The following WDFY3 variants were observed in gnomAD, a reference collection of about 807,000 sequenced individuals.
WDFY3 encodes the protein WD repeat and FYVE domain containing 3, also known as WD repeat and FYVE domain-containing protein 3.
WDFY3 carries 66 observed loss-of-function variants against 409.6 expected under a neutral mutation model. The observed-to-expected ratio is 0.16, with a 90% CI of 0.13 to 0.20. The LOEUF (loss-of-function observed/expected upper bound fraction) is 0.20, where lower values mean the gene tolerates loss of function less well. Among genes scored for constraint, WDFY3 ranks in the 10% least tolerant of loss-of-function variants. The pLI is 1.00. For synonymous variants in WDFY3, 1,521 were observed against 1,537.1 expected (o/e 0.99, Z 0.25); for missense variants, 3,031 against 4,298.1 (o/e 0.71, Z 8.24).
rs1354480135 is a variant in WDFY3 at position 84,724,336 on chromosome 4, A to G, written c.7441+90T>C. On this transcript the variant is annotated intron_variant, in intron 46 of 67. Coordinates refer to ENST00000295888, the MANE Select transcript of WDFY3 (RefSeq NM_014991.6). ...TATGGATATTTTTAAAGTTGGCCCT[A>G]CTATTTATAGTTGCTCAAATTTTTG... 7 of 1,424,998 alleles carry G rather than the reference A, an allele frequency of 4.9e-6. No homozygotes were observed. The Admixed American group carries it at 1.6e-4, about 33-fold the overall frequency. The allele number at this position is 1,424,998 out of a possible 1,614,324, so 88.3% of individuals were successfully genotyped here. A position where few individuals can be genotyped will look rare whatever the true frequency, so the allele number is the denominator to read the frequency against.
At chr4:84,930,801 T>C (rs963704780) in intron 2 of WDFY3, among the ~76,000 whole-genome samples, 24 of 152,200 alleles carry the variant, frequency 1.6e-4, no homozygotes, top group Admixed American at 1.5e-3. Flanking sequence ...AGAAGTTTTA[T>C]CCTTTTTAAT....
chr4:84,857,289 T>A (rs1245795999), intron 4 of WDFY3, among the ~76,000 whole-genome samples: 3 of 152,156 alleles, frequency 2.0e-5, no homozygotes, highest in African/African-American at 7.2e-5. Context: ...TACTAAAGCA[T>A]CTCATATCTA....
At chr4:84,857,788 A>G (rs1484462601) in intron 4 of WDFY3, among the ~76,000 whole-genome samples, 1 of 152,208 alleles carries the variant, frequency 6.6e-6, no homozygotes, top group East Asian at 1.9e-4. Flanking sequence ...AAGTAAGGAA[A>G]TGTACATTCT....
intron 6 of WDFY3, among the ~76,000 whole-genome samples, chr4:84,838,735 T>A (rs975827042): frequency 1.3e-5 from 2 of 152,228 alleles, no homozygotes; most frequent in Non-Finnish European, 2.9e-5. Flanking sequence ...TTAACACTTA[T>A]GTTACCATAC....
chr4:84,750,329 T>C (rs1425783328), intron 36 of WDFY3, among the ~76,000 whole-genome samples: 1 of 152,184 alleles, frequency 6.6e-6, no homozygotes, highest in African/African-American at 2.4e-5. Flanking sequence ...GGTTAAATGC[T>C]TAGCATAACT....
At chr4:84,944,524 T>C (rs1359136077) in intron 1 of WDFY3, among the ~76,000 whole-genome samples, 1 of 151,282 alleles carries the variant, frequency 6.6e-6, no homozygotes, top group Non-Finnish European at 1.5e-5. Flanking sequence ...AGTCAGACCG[T>C]GTATCAAAAA....
At position 84,746,187 on chromosome 4, in the gene WDFY3, T is replaced by C. The variant is rs1224759714; in HGVS notation, c.5974-2388A>G. Among the ~76,000 whole-genome samples the C allele has an allele frequency of 1.7e-4, 25 of 148,600 alleles. No homozygotes were observed. The Admixed American group carries it at 1.7e-3, about 10-fold the overall frequency. On this transcript the variant is annotated intron_variant, in intron 36 of 67. Coordinates refer to ENST00000295888, the MANE Select transcript of WDFY3 (RefSeq NM_014991.6). ...AAAAAAAATCTCTGGCATGGTGGTG[T>C]GTGCCGGTAGTCATAGCTACTTGGG...
chr4:84,948,535 C>G (rs568374688), intron 1 of WDFY3, among the ~76,000 whole-genome samples: 23 of 152,294 alleles, frequency 1.5e-4, no homozygotes, highest in Admixed American at 3.9e-4. Context: ...ATCACCAATA[C>G]GGACTTGTGA....
intron 1 of WDFY3, among the ~76,000 whole-genome samples, chr4:84,937,039 T>C (rs188057314): frequency 6.6e-6 from 1 of 152,306 alleles, no homozygotes; most frequent in Non-Finnish European, 1.5e-5. Context: ...ACTCCTTATA[T>C]GCCTCTAGAT....
chr4:84,778,622 G>T lies in WDFY3; in HGVS notation c.4399C>A (p.Leu1467Ile). ...AGATGGAGGATGTGGCTGTTAAGAA[G>T]GGAACGTTTCTTCTTAAGCAACATT... is the stretch of plus-strand genomic sequence containing the variant. Reference protein sequence around the residue: ...LAMLLKKKRSLLNSHILHLTF... With the variant: ...LAMLLKKKRSILNSHILHLTF... Residue 1467 changes from leucine to isoleucine, a missense_variant, in exon 27 of 68, where the codon CTT becomes ATT. Leu to Ile is a conservative substitution (Grantham distance 5). Around this residue, in one of 16 missense-constraint regions of WDFY3, gnomAD observed 55 missense variants for 124.1 expected, o/e 0.44. Coordinates refer to ENST00000295888, the MANE Select transcript of WDFY3 (RefSeq NM_014991.6). The T allele has an allele frequency of 6.2e-7, 1 of 1,611,782 alleles. No homozygotes were observed. The highest frequency in any genetic ancestry group is 1.1e-5 in the South Asian group (1 of 90,548).
chr4:84,754,363 A>G (rs957140798), intron 34 of WDFY3, among the ~76,000 whole-genome samples: 2 of 152,220 alleles, frequency 1.3e-5, no homozygotes, highest in Non-Finnish European at 2.9e-5. Flanking sequence ...ATATCTTCTG[A>G]TACCTGCCCA....
chr4:84,731,794 A>G (rs958042148), intron 44 of WDFY3, among the ~76,000 whole-genome samples: 1 of 152,214 alleles, frequency 6.6e-6, no homozygotes, highest in Admixed American at 6.5e-5. Context: ...GAGTATAGAT[A>G]AAACATATTA....
At chr4:84,859,508 A>T (rs1026198881) in intron 4 of WDFY3, among the ~76,000 whole-genome samples, 8 of 152,192 alleles carry the variant, frequency 5.3e-5, no homozygotes, top group African/African-American at 1.9e-4. Flanking sequence ...GGAACCTATA[A>T]GCCTGTGAAA....
At chr4:84,839,165 A>C (rs774112652) in intron 6 of WDFY3, among the ~76,000 whole-genome samples, 2 of 152,292 alleles carry the variant, frequency 1.3e-5, no homozygotes, top group Non-Finnish European at 2.9e-5. Flanking sequence ...TTTTTAAGTG[A>C]TTAGGTTTTT....
rs779721865 is a variant in WDFY3, at chr4:84,841,292, T to TG, written c.305-30dup. 3.1e-6 allele frequency: 5 copies of TG among 1,590,120 alleles called. No homozygotes were observed. In the Admixed American group the frequency reaches 7.2e-5, roughly 23 times the overall value. Reference sequence around the variant, plus strand: ...TAAAACCAAAGGGAAAGCCATTAAGTGGGGGAAAAGTCACATATAAAGAGG... The same window carrying TG: ...TAAAACCAAAGGGAAAGCCATTAAGTGGGGGGAAAAGTCACATATAAAGAGG... On this transcript the variant is annotated intron_variant, in intron 5 of 67. Transcript: ENST00000295888.
At chr4:84,679,900 G>A (rs1332771914) in intron 64 of WDFY3, among the ~76,000 whole-genome samples, 1 of 150,592 alleles carries the variant, frequency 6.6e-6, no homozygotes, top group African/African-American at 2.4e-5. Context: ...ATGTATGTAT[G>A]TATTTTTTGA....
At chr4:84,858,909 AAG>A (rs1436972267) in intron 4 of WDFY3, among the ~76,000 whole-genome samples, 4 of 151,682 alleles carry the variant, frequency 2.6e-5, no homozygotes, top group Non-Finnish European at 4.4e-5. Flanking sequence ...AGAGGAGACA[AAG>A]AGAGAAATGG....
chr4:84,837,351 G>A (rs949807355), intron 6 of WDFY3, among the ~76,000 whole-genome samples: 3 of 151,964 alleles, frequency 2.0e-5, no homozygotes, highest in African/African-American at 2.4e-5. Flanking sequence ...AGCATGTTTC[G>A]GAAGCATAAG....
intron 45 of WDFY3, among the ~76,000 whole-genome samples, chr4:84,725,681 T>A (rs1039000954): frequency 1.4e-4 from 21 of 152,284 alleles, no homozygotes; most frequent in African/African-American, 5.1e-4. Context: ...AATATATAAT[T>A]TTAAAAATTT....
Sources: allele counts gnomAD v4.1 joint callset (sites outside exome capture counted in the v4.1 genomes callset), GRCh38; gene constraint gnomAD v4.1.1; regional missense constraint gnomAD v4.1.1; transcripts MANE v1.5; gene names NCBI Gene and HGNC (gene_info 2026-07-23, HGNC 2026-07-21).